DPP10: variants seen among roughly 807,000 people sequenced by gnomAD.
The protein encoded by DPP10 is inactive dipeptidyl peptidase 10.
Under a neutral mutation model 120.9 loss-of-function variants are expected in DPP10, and 33 were observed. The observed-to-expected ratio is 0.27, with a 90% CI of 0.21 to 0.37. The LOEUF (loss-of-function observed/expected upper bound fraction) is 0.37. DPP10 is among the 10% of genes least tolerant of loss of function. The pLI, the probability that DPP10 is intolerant of heterozygous loss-of-function variation, is 1.00. For missense variants in DPP10, 816 were observed against 942.8 expected, an observed-to-expected ratio of 0.87 and a Z score of 1.76; for synonymous variants, 337 against 326.1, an observed-to-expected ratio of 1.03 and a Z score of -0.36.
chr2:115,662,734 C>T (rs2089104317), intron 5 of DPP10, among the ~76,000 whole-genome samples: 1 of 152,100 alleles, frequency 6.6e-6, no homozygotes, highest in Non-Finnish European at 1.5e-5. Flanking sequence ...CTCCCTTTAG[C>T]TTTAATTAGG....
intron 1 of DPP10, among the ~76,000 whole-genome samples, chr2:114,872,767 T>A (rs77661945): frequency 1.3e-5 from 2 of 152,142 alleles, no homozygotes; most frequent in Non-Finnish European, 2.9e-5. Flanking sequence ...CAAACATCAC[T>A]GGAGATCTTC....
intron 1 of DPP10, among the ~76,000 whole-genome samples, chr2:114,539,696 C>A (rs2104794235): frequency 1.3e-5 from 2 of 152,258 alleles, no homozygotes; most frequent in South Asian, 2.1e-4. Flanking sequence ...TTCAGCACAT[C>A]ATACTGCACC....
chr2:114,465,165 T>C (rs1679251468), intron 1 of DPP10, among the ~76,000 whole-genome samples: 2 of 152,186 alleles, frequency 1.3e-5, no homozygotes, highest in Non-Finnish European at 2.9e-5. Flanking sequence ...GAAAAGTAAC[T>C]TAAGTTTTCT....
intron 1 of DPP10, among the ~76,000 whole-genome samples, chr2:114,477,390 A>G (rs1680503905): frequency 6.6e-6 from 1 of 152,112 alleles, no homozygotes; most frequent in South Asian, 2.1e-4. Flanking sequence ...TTTATGAAAT[A>G]CTACATATAT....
chr2:115,127,500 AT>A (rs1011307263), intron 1 of DPP10, among the ~76,000 whole-genome samples: 1 of 152,016 alleles, frequency 6.6e-6, no homozygotes, highest in Non-Finnish European at 1.5e-5. Flanking sequence ...GGCATTTATC[AT>A]TTTTTCCCTA....
At chr2:115,534,792 A>G (rs1430012087) in intron 5 of DPP10, among the ~76,000 whole-genome samples, 4 of 151,210 alleles carry the variant, frequency 2.6e-5, no homozygotes, top group Admixed American at 2.6e-4. Flanking sequence ...GACTTTTTTA[A>G]TGATTGCCAT....
intron 3 of DPP10, among the ~76,000 whole-genome samples, chr2:115,377,924 G>A (rs2065944147): frequency 1.3e-5 from 2 of 151,916 alleles, no homozygotes; most frequent in Admixed American, 6.6e-5. Context: ...CTCTGTTTTG[G>A]TACCAGTACC....
At chr2:114,798,818 A>G (rs1207123834) in intron 1 of DPP10, among the ~76,000 whole-genome samples, 4 of 152,228 alleles carry the variant, frequency 2.6e-5, no homozygotes, top group Non-Finnish European at 5.9e-5. Context: ...ACTTAAATTT[A>G]CAAAAAAATA....
At chr2:115,718,802 G>A (rs965172514) in intron 7 of DPP10, among the ~76,000 whole-genome samples, 7 of 151,960 alleles carry the variant, frequency 4.6e-5, no homozygotes, top group South Asian at 4.1e-4. Context: ...TAATGGGCTC[G>A]AAGAAGGAAA....
At chr2:114,843,225 T>A (rs1688296818) in intron 1 of DPP10, among the ~76,000 whole-genome samples, 2 of 152,102 alleles carry the variant, frequency 1.3e-5, no homozygotes, top group South Asian at 2.1e-4. Context: ...ATCTGATTCT[T>A]GGCCAAAGCA....
chr2:114,837,399 C>A (rs573284803), intron 1 of DPP10, among the ~76,000 whole-genome samples: 7 of 152,234 alleles, frequency 4.6e-5, no homozygotes, highest in Non-Finnish European at 1.0e-4. Flanking sequence ...GCTATTCAGA[C>A]GTCCTTCTTG....
chr2:115,095,580 T>TTTG (rs1553486780), intron 1 of DPP10, among the ~76,000 whole-genome samples: 183 of 103,676 alleles, frequency 1.8e-3, no homozygotes, highest in African/African-American at 6.1e-3. Context: ...TTTGGTTTTT[T>TTTG]TTTTGTTTTT....
chr2:115,628,943 C>T (rs1365429566), intron 5 of DPP10, among the ~76,000 whole-genome samples: 1 of 152,008 alleles, frequency 6.6e-6, no homozygotes, highest in Non-Finnish European at 1.5e-5. Context: ...TTAGGTATAT[C>T]TCCTAATGCT....
intron 13 of DPP10, among the ~76,000 whole-genome samples, chr2:115,774,376 G>A (rs1681844251): frequency 6.6e-6 from 1 of 151,834 alleles, no homozygotes; most frequent in Non-Finnish European, 1.5e-5. Flanking sequence ...CTTGAAATTG[G>A]CATCAAAGAT....
chr2:114,976,781 C>A (rs1022014681), intron 1 of DPP10, among the ~76,000 whole-genome samples: 1 of 152,046 alleles, frequency 6.6e-6, no homozygotes, highest in Admixed American at 6.6e-5. Context: ...ATTTATTGTG[C>A]CTATTTAGTT....
chr2:115,315,177 T>C (rs1368133205), intron 2 of DPP10, among the ~76,000 whole-genome samples: 3 of 143,234 alleles, frequency 2.1e-5, no homozygotes, highest in Non-Finnish European at 3.1e-5. Context: ...TCTGTTCCTA[T>C]TGTTAAGACA....
chr2:115,303,529 C>T (rs1255841498), intron 1 of DPP10, among the ~76,000 whole-genome samples: 1 of 151,866 alleles, frequency 6.6e-6, no homozygotes, highest in Non-Finnish European at 1.5e-5. Flanking sequence ...ATAATCCCAG[C>T]ATATCCAGCA....
intron 5 of DPP10, among the ~76,000 whole-genome samples, chr2:115,653,420 T>C (rs912512345): frequency 6.6e-6 from 1 of 152,018 alleles, no homozygotes; most frequent in African/African-American, 2.4e-5. Context: ...TAGTTCACTT[T>C]TAAAACAACA....
chr2:114,786,263 C>A, intron 1 of DPP10, among the ~76,000 whole-genome samples: 1 of 152,138 alleles, frequency 6.6e-6, no homozygotes. Flanking sequence ...TATAAGCCTT[C>A]CTTTAACTAT....
Sources: gnomAD v4.1 joint callset for allele counts (sites outside exome capture counted in the v4.1 genomes callset) on GRCh38, gnomAD v4.1.1 for gene constraint, MANE v1.5 for transcripts, NCBI Gene and HGNC (gene_info 2026-07-23, HGNC 2026-07-21) for gene names.